Variants in TEX2 observed in about 807,000 individuals in gnomAD.
TEX2 encodes testis-expressed protein 2.
Under a neutral mutation model 106.9 loss-of-function variants are expected in TEX2, and 53 were observed. That is an observed-to-expected ratio of 0.50 (90% CI 0.40 to 0.62). The LOEUF is 0.62. Among genes scored for constraint, TEX2 ranks in the 20% least tolerant of loss-of-function variants. The pLI is 0.00. For missense variants in TEX2, 1,207 were observed against 1,379.0 expected (o/e 0.88, Z 1.98); for synonymous variants, 523 against 534.8 (o/e 0.98, Z 0.30).
At chr17:64,222,821 G>A (rs1555633433) in intron 1 of TEX2, among the ~76,000 whole-genome samples, 1 of 151,752 alleles carries the variant, frequency 6.6e-6, no homozygotes, top group African/African-American at 2.4e-5. Context: ...CCATACATTT[G>A]GGGTGGGGCA....
chr17:64,187,952 CCCTT>C (rs2032138603), intron 5 of TEX2, among the ~76,000 whole-genome samples: 1 of 152,228 alleles, frequency 6.6e-6, no homozygotes, highest in Admixed American at 6.5e-5. Context: ...TTCCCCTCCT[CCCTT>C]GTCTGACTTT....
At chr17:64,177,018 T>C (rs890891898) in intron 6 of TEX2, among the ~76,000 whole-genome samples, 1 of 152,204 alleles carries the variant, frequency 6.6e-6, no homozygotes, top group African/African-American at 2.4e-5. Context: ...AAAATAACAA[T>C]TATATAAGAC....
intron 5 of TEX2, among the ~76,000 whole-genome samples, chr17:64,183,497 G>C (rs969381225): frequency 6.6e-6 from 1 of 152,088 alleles, no homozygotes; most frequent in Non-Finnish European, 1.5e-5. Context: ...CATGATTTTG[G>C]CTCCCTGTAA....
At chr17:64,199,725 T>C (rs782564760) in intron 2 of TEX2, among the ~76,000 whole-genome samples, 1 of 152,264 alleles carries the variant, frequency 6.6e-6, no homozygotes, top group Non-Finnish European at 1.5e-5. Flanking sequence ...CAGTGCGTAC[T>C]TTACGCTTAG....
At chr17:64,260,904 T>C (rs1401403352) in intron 1 of TEX2, among the ~76,000 whole-genome samples, 2 of 152,150 alleles carry the variant, frequency 1.3e-5, no homozygotes, top group African/African-American at 4.8e-5. Flanking sequence ...TCTGAATGAA[T>C]GAATTGACAA....
chr17:64,194,012 A>T, intron 3 of TEX2, 123 bp from the exon 4 acceptor site: 1 of 549,206 alleles, frequency 1.8e-6, no homozygotes, highest in Non-Finnish European at 2.8e-6. Flanking sequence ...ATATGAAATA[A>T]CTTTCAACAC....
chr17:64,180,918 C>T (rs947407454), intron 5 of TEX2, among the ~76,000 whole-genome samples: 1 of 152,094 alleles, frequency 6.6e-6, no homozygotes, highest in African/African-American at 2.4e-5. Context: ...GTGTAGTGCC[C>T]CCACTCCTTT....
At chr17:64,182,990 A>G (rs1317731409) in intron 5 of TEX2, among the ~76,000 whole-genome samples, 1 of 148,514 alleles carries the variant, frequency 6.7e-6, no homozygotes, top group Non-Finnish European at 1.5e-5. Flanking sequence ...ACTGCAACCT[A>G]TGCCTCCTGA....
chr17:64,257,370 T>C (rs528082583), intron 1 of TEX2, among the ~76,000 whole-genome samples: 9 of 152,374 alleles, frequency 5.9e-5, no homozygotes, highest in Non-Finnish European at 1.0e-4. Context: ...TCTTCTGCAA[T>C]AAGAGTTAAT....
rs1023483878 is a variant in TEX2 at position 64,250,673 on chromosome 17, C to T, written c.-26+12495G>A. On this transcript the variant is annotated intron_variant, in intron 1 of 11. Transcript: ENST00000584379. ...ATCCTACAACAACATAACTTGCTCC[C>T]CTCTCACTTTTTTATTTTTTTTATT... 3.9e-5 allele frequency among the ~76,000 whole-genome samples: 6 copies of T among 152,080 alleles called. No homozygotes were observed. In the East Asian group the frequency reaches 1.2e-3, roughly 29 times the overall value.
chr17:64,210,663 A>G (rs2143037745), intron 2 of TEX2, among the ~76,000 whole-genome samples: 1 of 104,660 alleles, frequency 9.6e-6, no homozygotes, highest in African/African-American at 3.4e-5. Context: ...TTTTTTTGCA[A>G]TAGGGACATC....
At position 64,213,163 on chromosome 17, in the gene TEX2, T is replaced by A; in HGVS notation, c.1055A>T (p.Asp352Val). 6.2e-7 allele frequency: 1 copy of A among 1,614,216 alleles called. No homozygotes were observed. Among genetic ancestry groups the A allele is most frequent in the Non-Finnish European group, 8.5e-7 (1 of 1,180,030 alleles). ...NNYSIKEEEC[D>V]SEGDGYGSDS... ...ACTTCCGTAGCCATCCCCCTCAGAA[T>A]CACACTCCTCCTCCTTGATGCTGTA... is the stretch of plus-strand genomic sequence containing the variant. The change falls in exon 2 of 12, where the codon GAT becomes GTT. Residue 352 changes from aspartate (D) to valine (V), a missense_variant. Around this residue, in one of 3 missense-constraint regions of TEX2, gnomAD observed 1,067 missense variants for 1,193.6 expected, o/e 0.89. Coordinates refer to ENST00000584379, the MANE Select transcript of TEX2 (RefSeq NM_001288732.2). This position sits in a 1 kb window ranked among gnomAD's most constrained non-coding sequence, Gnocchi z 4.4.
At chr17:64,161,590 A>G (rs985437270) in intron 7 of TEX2, among the ~76,000 whole-genome samples, 1 of 152,210 alleles carries the variant, frequency 6.6e-6, no homozygotes, top group African/African-American at 2.4e-5. Context: ...ACCTTAGGCT[A>G]AAAATCAGCT....
At chr17:64,187,811 T>C (rs2032134027) in intron 5 of TEX2, among the ~76,000 whole-genome samples, 1 of 152,202 alleles carries the variant, frequency 6.6e-6, no homozygotes, top group South Asian at 2.1e-4. Flanking sequence ...AACAGGTCTG[T>C]GCCCAAAAGT....
chr17:64,153,139 A>G lies in TEX2; in HGVS notation c.2946T>C (p.His982=), dbSNP rs1402895676. The change falls in exon 10 of 12, where the codon CAT becomes CAC. Residue 982 remains histidine, a synonymous_variant. Coordinates refer to ENST00000584379, the MANE Select transcript of TEX2 (RefSeq NM_001288732.2). The surrounding 1 kb of genome is among the most constrained non-coding windows in gnomAD (Gnocchi z 4.1). ...CAAACCTCATAATCTTACTTGTTCG[A>G]TGACCTCCAACGTACCTTCAAATGT... ...LPGAEGYVGG[H]RTSKIMRFVD... 4 of 1,613,582 alleles carry G rather than the reference A, an allele frequency of 2.5e-6. No homozygotes were observed. In the Admixed American group the frequency reaches 6.7e-5, roughly 27 times the overall value.
At chr17:64,196,982 A>ATATT (rs781980439) in intron 2 of TEX2, among the ~76,000 whole-genome samples, 1 of 63,574 alleles carries the variant, frequency 1.6e-5, no homozygotes, top group African/African-American at 5.5e-5. Context: ...TCAAATCAAG[A>ATATT]TTTTTTTTTT....
chr17:64,245,110 A>C (rs1466186066), intron 1 of TEX2, among the ~76,000 whole-genome samples: 1 of 152,076 alleles, frequency 6.6e-6, no homozygotes, highest in Non-Finnish European at 1.5e-5. Context: ...TTTTTTCTAA[A>C]CCAAAAGGTA....
chr17:64,163,062 C>T (rs2030960230), intron 7 of TEX2, among the ~76,000 whole-genome samples: 1 of 152,130 alleles, frequency 6.6e-6, no homozygotes, highest in South Asian at 2.1e-4. Flanking sequence ...TCATGAGACC[C>T]ACTCACAGGG....
At chr17:64,219,972 G>A (rs2033312665) in intron 1 of TEX2, among the ~76,000 whole-genome samples, 1 of 152,218 alleles carries the variant, frequency 6.6e-6, no homozygotes, top group Non-Finnish European at 1.5e-5. Context: ...TGGGCCCAAT[G>A]TAATCACAAG....
Sources: allele counts gnomAD v4.1 joint callset (sites outside exome capture counted in the v4.1 genomes callset), GRCh38; gene constraint gnomAD v4.1.1; regional missense constraint gnomAD v4.1.1; non-coding constraint Gnocchi (gnomAD v3.1); transcripts MANE v1.5; gene names NCBI Gene and HGNC (gene_info 2026-07-23, HGNC 2026-07-21).